RBFOX1: variants seen among roughly 807,000 people sequenced by gnomAD.
RBFOX1 encodes RNA binding fox-1 homolog 1.
RBFOX1 carries 8 observed loss-of-function variants against 57.7 expected under a neutral mutation model. The observed-to-expected ratio is 0.14, with a 90% CI of 0.08 to 0.25. The LOEUF is 0.25. RBFOX1 is among the 10% of genes least tolerant of loss of function. RBFOX1 has a pLI of 1.00. For synonymous variants in RBFOX1, 326 were observed against 222.4 expected (o/e 1.47, Z -4.15); for missense variants, 611 against 548.5 (o/e 1.11, Z -1.14).
At position 5,266,798 on chromosome 16, in the gene RBFOX1, A is replaced by C. The variant is rs549947505; in HGVS notation, c.219+26693A>C. 2.0e-5 allele frequency among the ~76,000 whole-genome samples: 3 copies of C among 152,114 alleles called. No homozygotes were observed. In the South Asian group the frequency reaches 6.2e-4, roughly 32 times the overall value. On this transcript the variant is annotated intron_variant, in intron 1 of 2. Transcript: ENST00000585867. ...GGTCTCGAGCTGTTGGGCTCAAGCA[A>C]TCTGCTCACCTCGGCCTCCCAAAGT...
intron 4 of RBFOX1, among the ~76,000 whole-genome samples, chr16:7,346,636 C>G (rs568066440): frequency 1.3e-3 from 192 of 151,950 alleles, no homozygotes; most frequent in African/African-American, 4.5e-3. Flanking sequence ...GGCCCACGGG[C>G]ATTGCTTCGT....
intron 2 of RBFOX1, among the ~76,000 whole-genome samples, chr16:5,528,626 C>G (rs896356326): frequency 6.8e-6 from 1 of 146,044 alleles, no homozygotes; most frequent in African/African-American, 2.5e-5. Flanking sequence ...TTCCTTCTCT[C>G]CTTCCTTCCC....
At chr16:6,252,579 T>A in intron 1 of RBFOX1, among the ~76,000 whole-genome samples, 1 of 151,674 alleles carries the variant, frequency 6.6e-6, no homozygotes, top group East Asian at 2.0e-4. Context: ...GATAGGATGC[T>A]GTTGATCTGC....
intron 4 of RBFOX1, among the ~76,000 whole-genome samples, chr16:7,123,065 A>T (rs951664088): frequency 1.3e-5 from 2 of 152,168 alleles, no homozygotes; most frequent in Admixed American, 6.5e-5. Flanking sequence ...GGGTAGTTGC[A>T]AATGAATAGC....
At chr16:6,854,939 A>G (rs1295160714) in intron 3 of RBFOX1, among the ~76,000 whole-genome samples, 2 of 151,872 alleles carry the variant, frequency 1.3e-5, no homozygotes, top group African/African-American at 2.4e-5. Context: ...ACAGAGGAGA[A>G]CTTTGATCAC....
intron 1 of RBFOX1, among the ~76,000 whole-genome samples, chr16:6,286,890 T>C (rs1247342871): frequency 6.6e-6 from 1 of 152,194 alleles, no homozygotes; most frequent in Non-Finnish European, 1.5e-5. Flanking sequence ...AGAACAAGGA[T>C]TACATTTTTC....
At chr16:6,922,316 C>T (rs1002655239) in intron 3 of RBFOX1, among the ~76,000 whole-genome samples, 44 of 152,010 alleles carry the variant, frequency 2.9e-4, no homozygotes, top group African/African-American at 7.7e-4. Flanking sequence ...TTTTCAGTTC[C>T]GAGTGTCCGG....
chr16:5,697,706 GTAT>G (rs752874747), intron 3 of RBFOX1, among the ~76,000 whole-genome samples: 1 of 92 alleles, frequency 0.011, no homozygotes, highest in Non-Finnish European at 0.019. Context: ...GCTAATTTTT[GTAT>G]TTTTAGTAGA....
intron 4 of RBFOX1, among the ~76,000 whole-genome samples, chr16:7,114,480 T>G (rs1399182629): frequency 6.6e-6 from 1 of 152,190 alleles, no homozygotes; most frequent in Non-Finnish European, 1.5e-5. Flanking sequence ...CTATTCATTT[T>G]AAGAAGCACT....
At chr16:5,324,676 G>A (rs1462432548) in intron 1 of RBFOX1, among the ~76,000 whole-genome samples, 6 of 152,140 alleles carry the variant, frequency 3.9e-5, no homozygotes, top group Non-Finnish European at 5.9e-5. Flanking sequence ...TGGAGCTAGA[G>A]GCCATTATCC....
At chr16:6,834,488 CAG>C (rs753507905) in intron 3 of RBFOX1, among the ~76,000 whole-genome samples, 8 of 146,784 alleles carry the variant, frequency 5.5e-5, no homozygotes, top group Admixed American at 4.9e-4. Flanking sequence ...AGAAAGTACT[CAG>C]TAACTGTTTA....
intron 3 of RBFOX1, among the ~76,000 whole-genome samples, chr16:6,914,430 G>C (rs568491986): frequency 6.6e-6 from 1 of 152,236 alleles, no homozygotes; most frequent in Non-Finnish European, 1.5e-5. Context: ...AGAAAAGACA[G>C]TAGTAAAGGA....
intron 4 of RBFOX1, among the ~76,000 whole-genome samples, chr16:7,396,677 C>T: frequency 6.6e-6 from 1 of 152,324 alleles, no homozygotes; most frequent in South Asian, 2.1e-4. Context: ...TGGTGACTTA[C>T]ACCTGTAATC....
At chr16:7,520,110 C>T (rs1343899353) in intron 5 of RBFOX1, among the ~76,000 whole-genome samples, 1 of 152,108 alleles carries the variant, frequency 6.6e-6, no homozygotes, top group Non-Finnish European at 1.5e-5. Flanking sequence ...TGATCTCAAT[C>T]TCCTGACCTC....
At chr16:5,245,117 G>C (rs2062264319) in intron 1 of RBFOX1, among the ~76,000 whole-genome samples, 1 of 152,202 alleles carries the variant, frequency 6.6e-6, no homozygotes, top group African/African-American at 2.4e-5. Flanking sequence ...GGTACAGGAT[G>C]AGTTGGAGGC....
intron 2 of RBFOX1, among the ~76,000 whole-genome samples, chr16:6,476,772 G>A (rs180913934): frequency 6.6e-6 from 1 of 152,156 alleles, no homozygotes; most frequent in Admixed American, 6.5e-5. Context: ...ATACTTCTCT[G>A]CAGCACCTGA....
At chr16:7,465,586 G>C (rs1012310794) in intron 4 of RBFOX1, among the ~76,000 whole-genome samples, 2 of 152,196 alleles carry the variant, frequency 1.3e-5, no homozygotes, top group African/African-American at 4.8e-5. Context: ...GTTAATAGTG[G>C]TGGTAATACT....
chr16:5,721,930 C>G (rs1427081197), intron 3 of RBFOX1, among the ~76,000 whole-genome samples: 1 of 152,178 alleles, frequency 6.6e-6, no homozygotes, highest in African/African-American at 2.4e-5. Context: ...TTTTATGCTC[C>G]TTTATTGAGG....
chr16:5,319,385 T>G (rs1476150638), intron 1 of RBFOX1, among the ~76,000 whole-genome samples: 1 of 152,182 alleles, frequency 6.6e-6, no homozygotes, highest in Non-Finnish European at 1.5e-5. Context: ...CACAGCCCTG[T>G]TCTAGTGGTC....
Sources: allele counts gnomAD v4.1 joint callset (sites outside exome capture counted in the v4.1 genomes callset), GRCh38; gene constraint gnomAD v4.1.1; transcripts MANE v1.5; gene names NCBI Gene and HGNC (gene_info 2026-07-23, HGNC 2026-07-21).